ABCC11: variants seen among roughly 807,000 people sequenced by gnomAD.
ABCC11 encodes ATP-binding cassette sub-family C member 11.
ABCC11 carries 135 observed loss-of-function variants against 149.3 expected under a neutral mutation model. The observed-to-expected ratio is 0.90, with a 90% confidence interval of 0.79 to 1.04. The LOEUF (loss-of-function observed/expected upper bound fraction) is 1.04, where lower values mean the gene tolerates loss of function less well. Ranked by LOEUF, ABCC11 falls within the 50% of genes least tolerant of loss-of-function variation. The pLI is 0.00. For synonymous variants in ABCC11, 665 were observed against 671.4 expected, an observed-to-expected ratio of 0.99 and a Z score of 0.15; for missense variants, 1,680 against 1,722.1, an observed-to-expected ratio of 0.98 and a Z score of 0.43.
chr16:48,243,601 T>G (rs1380267096), intron 1 of ABCC11, among the ~76,000 whole-genome samples: 1 of 152,138 alleles, frequency 6.6e-6, no homozygotes, highest in Non-Finnish European at 1.5e-5. Flanking sequence ...TAATGTTAAT[T>G]TCCTGGTTTT....
intron 14 of ABCC11, among the ~76,000 whole-genome samples, chr16:48,200,986 C>T (rs530585780): frequency 6.6e-6 from 1 of 151,920 alleles, no homozygotes; most frequent in South Asian, 2.1e-4. Flanking sequence ...GCACAGGTAC[C>T]CAAAAAACAT....
chr16:48,205,663 G>C, intron 12 of ABCC11, 126 bp from the exon 13 acceptor site: 7 of 1,304,980 alleles, frequency 5.4e-6, no homozygotes, highest in Non-Finnish European at 7.2e-6. Flanking sequence ...TAGGTAAAAG[G>C]GACTTTTAAT....
chr16:48,192,670 G>A lies in ABCC11; in HGVS notation c.2556C>T (p.Asn852=), dbSNP rs771577040. 1 of 1,614,232 alleles carries A rather than the reference G, an allele frequency of 6.2e-7. No homozygotes were observed. The highest frequency in any genetic ancestry group is 1.7e-5 in the Admixed American group (1 of 60,034). ...AGGACAGTTGAGGATTGTCTGCAAT[G>A]TTGCCCAGGTCTGCCATGGTTCCAT... ...ESNGTMADLG[N]IADNPQLSFY... The change falls in exon 20 of 30, where the codon AAC becomes AAT. Residue 852 remains asparagine (N), a synonymous_variant. Transcript: ENST00000356608.
intron 1 of ABCC11, among the ~76,000 whole-genome samples, chr16:48,238,920 G>A (rs4450396): frequency 8.8e-6 from 1 of 113,930 alleles, no homozygotes; most frequent in Non-Finnish European, 1.7e-5. Context: ...CTGGGCGACA[G>A]AGGAGACTCT....
At chr16:48,243,130 G>A (rs1427388089) in intron 1 of ABCC11, among the ~76,000 whole-genome samples, 1 of 151,770 alleles carries the variant, frequency 6.6e-6, no homozygotes, top group Admixed American at 6.6e-5. Context: ...GACGGGCGCA[G>A]TGGCTCAGGC....
intron 27 of ABCC11, 115 bp downstream of exon 27, chr16:48,170,774 C>A: frequency 1.1e-6 from 1 of 916,994 alleles, no homozygotes; most frequent in Non-Finnish European, 1.7e-6. Context: ...TGAGATGATG[C>A]ATCCATGACC....
At chr16:48,205,903 C>T (rs1024251750) in intron 12 of ABCC11, among the ~76,000 whole-genome samples, 10 of 152,044 alleles carry the variant, frequency 6.6e-5, no homozygotes, top group Non-Finnish European at 1.0e-4. Flanking sequence ...CTCCACCTCC[C>T]GGGTTCACAC....
intron 1 of ABCC11, 192 bp from the exon 2 acceptor site, chr16:48,232,131 C>T (rs1057278957): frequency 1.5e-6 from 2 of 1,310,032 alleles, no homozygotes; most frequent in Non-Finnish European, 2.0e-6. Flanking sequence ...CTTCTCAGGC[C>T]TCAGGCCCAA....
chr16:48,242,296 T>G (rs1306853355), intron 1 of ABCC11, among the ~76,000 whole-genome samples: 1 of 152,198 alleles, frequency 6.6e-6, no homozygotes, highest in Non-Finnish European at 1.5e-5. Flanking sequence ...CATGAAAAAA[T>G]GCTCATCATC....
At chr16:48,187,140 A>C in intron 21 of ABCC11, 50 bp from the exon 22 acceptor site, 29 of 1,613,842 alleles carry the variant, frequency 1.8e-5, no homozygotes, top group Non-Finnish European at 2.4e-5. Flanking sequence ...CTCTGGGACC[A>C]TCTAGTCTGG....
intron 11 of ABCC11, 77 bp downstream of exon 11, chr16:48,210,871 G>T (rs1162624463): frequency 6.5e-7 from 1 of 1,543,312 alleles, no homozygotes; most frequent in African/African-American, 1.4e-5. Flanking sequence ...GAAATGGTGG[G>T]GCACCTGGCC....
chr16:48,206,650 A>T (rs1968474265), intron 12 of ABCC11, among the ~76,000 whole-genome samples: 1 of 152,372 alleles, frequency 6.6e-6, no homozygotes, highest in East Asian at 1.9e-4. Context: ...GCTCATTTAC[A>T]TAGGAAACTG....
intron 18 of ABCC11, 22 bp downstream of exon 18, chr16:48,196,210 T>G: frequency 6.2e-7 from 1 of 1,613,266 alleles, no homozygotes; most frequent in Non-Finnish European, 8.5e-7. Context: ...GAGAGAGCCC[T>G]GGGCTGGCAT....
Position 48,230,477 on chromosome 16 carries a change from C to A in ABCC11, c.196G>T (p.Ala66Ser). ...AAGGGAATCATGGTTCTCAAGGCAGCATCATACTTCCCCCACGGTGGGACA... is the reference window on the plus strand; with the variant it reads ...AAGGGAATCATGGTTCTCAAGGCAGAATCATACTTCCCCCACGGTGGGACA... ...AAVPPWGKYD[A>S]ALRTMIPFRP... is the part of the protein sequence containing the mutation. Residue 66 changes from alanine (A) to serine (S), a missense_variant, in exon 3 of 30, where the codon GCT becomes TCT. Physicochemically the swap from Ala to Ser is moderately conservative, Grantham distance 99. Coordinates refer to ENST00000356608, the MANE Select transcript of ABCC11 (RefSeq NM_001370497.1). 2 of 1,612,316 alleles carry A rather than the reference C, an allele frequency of 1.2e-6. No individual in the cohort carries two copies. The highest frequency in any genetic ancestry group is 1.7e-6 in the Non-Finnish European group (2 of 1,179,250).
chr16:48,186,990 T>C lies in ABCC11; in HGVS notation c.3034A>G (p.Ile1012Val). ...ILNSLQGLSS[I>V]HVYGKTEDFI... The stretch of plus-strand genomic sequence containing the variant: ...TCTTCAGTTTTTCCATAGACATGGA[T>C]GGAGCTCAGGCCTTGCAGAGAATTG... The change falls in exon 22 of 30, where the codon ATC (isoleucine) becomes GTC (valine). Residue 1012 changes from isoleucine (I) to valine (V), a missense_variant. Coordinates refer to ENST00000356608, the MANE Select transcript of ABCC11 (RefSeq NM_001370497.1). 6.2e-7 allele frequency: 1 copy of C among 1,614,116 alleles called. No homozygotes were observed. The highest frequency in any genetic ancestry group is 8.5e-7 in the Non-Finnish European group (1 of 1,180,020).
intron 6 of ABCC11, among the ~76,000 whole-genome samples, chr16:48,220,823 TC>T (rs1361990318): frequency 6.6e-6 from 1 of 152,212 alleles, no homozygotes; most frequent in African/African-American, 2.4e-5. Context: ...TTTTGGAATA[TC>T]TGTTCTGTGT....
At chr16:48,229,525 C>T (rs772976459) in intron 3 of ABCC11, among the ~76,000 whole-genome samples, 8 of 136,498 alleles carry the variant, frequency 5.9e-5, no homozygotes, top group Admixed American at 5.4e-4. Flanking sequence ...ACTGCAGTGG[C>T]GCAATCTCGG....
intron 11 of ABCC11, among the ~76,000 whole-genome samples, chr16:48,208,840 T>C (rs1311707733): frequency 6.6e-6 from 1 of 152,134 alleles, no homozygotes; most frequent in Non-Finnish European, 1.5e-5. Context: ...ATTTGTGAAA[T>C]GGGAATAAAG....
chr16:48,205,425 T>C lies in ABCC11; in HGVS notation c.1793A>G (p.Tyr598Cys). 6.2e-7 allele frequency: 1 copy of C among 1,614,198 alleles called. No individual in the cohort carries two copies. Among genetic ancestry groups the C allele is most frequent in the African/African-American group, 1.3e-5 (1 of 75,046 alleles). The change falls in exon 13 of 30, where the codon TAT becomes TGT. Residue 598 changes from tyrosine to cysteine, a missense_variant. Tyr to Cys is a radical substitution (Grantham distance 194). Coordinates refer to ENST00000356608, the MANE Select transcript of ABCC11 (RefSeq NM_001370497.1). ...IRENILMGGA[Y>C]DKARYLQVLH... Reference sequence around the variant, plus strand: ...CCCAGGAGCTTACCGGGCCTTGTCATATGCGCCTCCCATGAGGATGTTCTC... The same window carrying C: ...CCCAGGAGCTTACCGGGCCTTGTCACATGCGCCTCCCATGAGGATGTTCTC...
Sources: allele counts gnomAD v4.1 joint callset (sites outside exome capture counted in the v4.1 genomes callset), GRCh38; gene constraint gnomAD v4.1.1; transcripts MANE v1.5; gene names NCBI Gene and HGNC (gene_info 2026-07-23, HGNC 2026-07-21).